TSPAN18: variants seen among roughly 807,000 people sequenced by gnomAD.
TSPAN18 encodes tetraspanin 18.
TSPAN18 carries 14 observed loss-of-function variants against 27.3 expected under a neutral mutation model. That is an observed-to-expected ratio of 0.51 (90% CI 0.34 to 0.80). The LOEUF (loss-of-function observed/expected upper bound fraction) is 0.80. Ranked by LOEUF, TSPAN18 falls within the 30% of genes least tolerant of loss-of-function variation. The pLI, the probability that TSPAN18 is intolerant of heterozygous loss-of-function variation, is 0.01. For synonymous variants in TSPAN18, 143 were observed against 136.5 expected (o/e 1.05, Z -0.33); for missense variants, 268 against 323.9 (o/e 0.83, Z 1.32).
At chr11:44,795,373 A>C (rs1219228095) in intron 2 of TSPAN18, among the ~76,000 whole-genome samples, 2 of 152,080 alleles carry the variant, frequency 1.3e-5, no homozygotes, top group African/African-American at 2.4e-5. Flanking sequence ...CTGGGTTCAG[A>C]TCCAAGGTCC....
At chr11:44,829,909 T>A (rs918287162) in intron 2 of TSPAN18, among the ~76,000 whole-genome samples, 30 of 152,188 alleles carry the variant, frequency 2.0e-4, no homozygotes, top group African/African-American at 5.8e-4. Flanking sequence ...AAAAGATTAT[T>A]TCATAGCCCA....
At chr11:44,731,629 T>TGAGAGAGA (rs1192833022) in intron 1 of TSPAN18, among the ~76,000 whole-genome samples, 5 of 62,260 alleles carry the variant, frequency 8.0e-5, no homozygotes, top group African/African-American at 2.1e-4. Context: ...TGTGTGTGTG[T>TGAGAGAGA]GTGTGAGAGA....
At chr11:44,834,399 C>T (rs1308633601) in intron 2 of TSPAN18, among the ~76,000 whole-genome samples, 1 of 152,126 alleles carries the variant, frequency 6.6e-6, no homozygotes, top group African/African-American at 2.4e-5. Flanking sequence ...AGAAACAGCC[C>T]CAGGGAGAGG....
intron 2 of TSPAN18, among the ~76,000 whole-genome samples, chr11:44,849,772 C>T (rs755767): frequency 0.43 from 65,099 of 151,946 alleles, 14,447 homozygotes; most frequent in Non-Finnish European, 0.48. Flanking sequence ...GACTTTGGTG[C>T]GATGCCCCTT....
At chr11:44,763,223 G>A (rs551703424) in intron 1 of TSPAN18, among the ~76,000 whole-genome samples, 20 of 152,296 alleles carry the variant, frequency 1.3e-4, no homozygotes, top group Non-Finnish European at 2.5e-4. Context: ...GAGGAGCCTG[G>A]GAGGGGAGAG....
intron 2 of TSPAN18, among the ~76,000 whole-genome samples, chr11:44,816,857 G>T (rs1246488627): frequency 2.0e-5 from 3 of 152,100 alleles, no homozygotes; most frequent in African/African-American, 7.2e-5. Context: ...TTTCCAAGCT[G>T]CTGTCTGCCT....
chr11:44,811,174 A>C lies in TSPAN18; in HGVS notation c.-153+46662A>C, dbSNP rs867128746. Among the ~76,000 whole-genome samples, 382 of 126,082 alleles carry C rather than the reference A, an allele frequency of 3.0e-3. 1 individual carries two copies. Among genetic ancestry groups the C allele is most frequent in the African/African-American group, 0.01 (361 of 35,106 alleles). The allele number at this position is 126,082 out of a possible 152,430, so 82.7% of individuals were successfully genotyped here. A position where few individuals can be genotyped will look rare whatever the true frequency, so the allele number is the denominator to read the frequency against. Reference sequence around the variant, plus strand: ...CACACACACACACACACACACACACACCCCTGCCTGTGCCTTCTCATACTG... The same window carrying C: ...CACACACACACACACACACACACACCCCCCTGCCTGTGCCTTCTCATACTG... On this transcript the variant is annotated intron_variant, in intron 2 of 9. Transcript: ENST00000520358.
chr11:44,849,399 AG>A (rs1857550629), intron 2 of TSPAN18, among the ~76,000 whole-genome samples: 1 of 152,196 alleles, frequency 6.6e-6, no homozygotes, highest in Non-Finnish European at 1.5e-5. Context: ...TAGCTAAGCA[AG>A]GGTGAGGTTT....
intron 3 of TSPAN18, among the ~76,000 whole-genome samples, chr11:44,904,513 G>GA (rs1859384934): frequency 6.6e-6 from 1 of 152,206 alleles, no homozygotes; most frequent in Non-Finnish European, 1.5e-5. Flanking sequence ...CGAGAGGAGG[G>GA]ACGCAAGGCA....
intron 3 of TSPAN18, among the ~76,000 whole-genome samples, chr11:44,892,558 G>A (rs921886911): frequency 1.1e-4 from 16 of 152,242 alleles, no homozygotes; most frequent in Non-Finnish European, 2.1e-4. Context: ...AGCTTTGTCC[G>A]CAGAGGCCTT....
chr11:44,882,646 T>A (rs1858527924), intron 3 of TSPAN18, among the ~76,000 whole-genome samples: 1 of 112,674 alleles, frequency 8.9e-6, no homozygotes, highest in African/African-American at 3.4e-5. Context: ...AGCATGTGCG[T>A]GCATGTATGT....
chr11:44,846,260 CT>C (rs1857478011), intron 2 of TSPAN18, among the ~76,000 whole-genome samples: 1 of 152,242 alleles, frequency 6.6e-6, no homozygotes, highest in South Asian at 2.1e-4. Flanking sequence ...TTGTGTGACT[CT>C]AGCATTCCGG....
intron 3 of TSPAN18, among the ~76,000 whole-genome samples, chr11:44,905,192 C>T (rs930022954): frequency 6.6e-6 from 1 of 152,104 alleles, no homozygotes; most frequent in Non-Finnish European, 1.5e-5. Flanking sequence ...GACTTAGCAA[C>T]CTTATTTTGT....
At position 44,765,399 on chromosome 11, in the gene TSPAN18, G is replaced by C. The variant is rs140618218; in HGVS notation, c.-153+887G>C. ...GTCTTGGGCAAAGGACGATGGCTCC[G>C]ACCCTTGGTGGTAAATCACAGGGTC... On this transcript the variant is annotated intron_variant, in intron 2 of 9. Transcript: ENST00000520358. 9.2e-3 allele frequency among the ~76,000 whole-genome samples: 1,395 copies of C among 152,284 alleles called. 19 individuals are homozygous for C. The highest frequency in any genetic ancestry group is 0.013 in the Non-Finnish European group (912 of 68,022).
At chr11:44,735,415 G>A (rs185819915) in intron 1 of TSPAN18, among the ~76,000 whole-genome samples, 1 of 152,356 alleles carries the variant, frequency 6.6e-6, no homozygotes, top group East Asian at 1.9e-4. Flanking sequence ...CAAGGTGTTG[G>A]CAGGAACATG....
intron 2 of TSPAN18, among the ~76,000 whole-genome samples, chr11:44,826,097 C>T (rs1212341350): frequency 6.6e-6 from 1 of 152,178 alleles, no homozygotes; most frequent in African/African-American, 2.4e-5. Flanking sequence ...AGGGGGCCAT[C>T]GCAGAAAGGA....
intron 2 of TSPAN18, among the ~76,000 whole-genome samples, chr11:44,792,605 G>A (rs568466404): frequency 1.2e-4 from 19 of 152,180 alleles, no homozygotes; most frequent in Non-Finnish European, 2.2e-4. Context: ...GAAAGGAGCC[G>A]GGGCCTCTCC....
chr11:44,738,139 G>A (rs1026639235), intron 1 of TSPAN18, among the ~76,000 whole-genome samples: 5 of 152,146 alleles, frequency 3.3e-5, no homozygotes, highest in African/African-American at 9.7e-5. Context: ...GTCTCAGAAG[G>A]TGCCTGAGAA....
chr11:44,751,993 C>T (rs1590419075), intron 1 of TSPAN18, among the ~76,000 whole-genome samples: 1 of 151,388 alleles, frequency 6.6e-6, no homozygotes, highest in African/African-American at 2.4e-5. Flanking sequence ...TATGTTTCTT[C>T]CCAGTTTTTT....
Sources: gnomAD v4.1 joint callset for allele counts (sites outside exome capture counted in the v4.1 genomes callset) on GRCh38, gnomAD v4.1.1 for gene constraint, MANE v1.5 for transcripts, NCBI Gene and HGNC (gene_info 2026-07-23, HGNC 2026-07-21) for gene names.